The following TOX variants were observed in gnomAD, a reference collection of about 807,000 sequenced individuals.
TOX encodes the protein thymocyte selection-associated high mobility group box protein TOX.
A neutral mutation model predicts 53.7 loss-of-function variants in TOX; 11 were observed. The observed-to-expected ratio is 0.20, with a 90% CI of 0.13 to 0.34. The LOEUF (loss-of-function observed/expected upper bound fraction) is 0.34. TOX is among the 10% of genes least tolerant of loss of function. The pLI is 1.00. For synonymous variants in TOX, 225 were observed against 245.3 expected, an observed-to-expected ratio of 0.92 and a Z score of 0.77; for missense variants, 570 against 664.6, an observed-to-expected ratio of 0.86 and a Z score of 1.56.
At chr8:58,868,221 C>T (rs1385873718) in intron 3 of TOX, among the ~76,000 whole-genome samples, 5 of 152,126 alleles carry the variant, frequency 3.3e-5, no homozygotes, top group Admixed American at 1.3e-4. Context: ...ATTGTGAGGC[C>T]TCCCCTCCCA....
intron 5 of TOX, among the ~76,000 whole-genome samples, chr8:58,836,201 G>A (rs576977080): frequency 1.3e-5 from 2 of 152,262 alleles, no homozygotes; most frequent in East Asian, 3.9e-4. Flanking sequence ...GAACAGGGAG[G>A]GGGTTGGGAT....
chr8:59,074,040 G>A (rs764889063), intron 1 of TOX, among the ~76,000 whole-genome samples: 2 of 152,104 alleles, frequency 1.3e-5, no homozygotes, highest in African/African-American at 2.4e-5. Flanking sequence ...TTCAAACCAT[G>A]GCAATAAGTA....
At chr8:58,848,310 T>C (rs944671511) in intron 4 of TOX, among the ~76,000 whole-genome samples, 6 of 151,232 alleles carry the variant, frequency 4.0e-5, no homozygotes, top group African/African-American at 1.2e-4. Context: ...TTAAAGAAGA[T>C]GAGGAAAAAA....
chr8:58,907,471 T>G (rs778710018), intron 3 of TOX, among the ~76,000 whole-genome samples: 1 of 152,118 alleles, frequency 6.6e-6, no homozygotes, highest in Non-Finnish European at 1.5e-5. Context: ...GGCGTGCACG[T>G]GTAATCTCAG....
At chr8:58,978,188 AGGG>A (rs1280741251) in intron 1 of TOX, among the ~76,000 whole-genome samples, 1 of 152,004 alleles carries the variant, frequency 6.6e-6, no homozygotes, top group Non-Finnish European at 1.5e-5. Flanking sequence ...GGAAAGCCCA[AGGG>A]GATCTGCCTG....
chr8:59,055,292 G>A (rs1366842521), intron 1 of TOX, among the ~76,000 whole-genome samples: 2 of 152,144 alleles, frequency 1.3e-5, no homozygotes, highest in East Asian at 3.9e-4. Context: ...AGCACACAGG[G>A]ACTCAATGAA....
At chr8:59,044,701 G>A (rs888905850) in intron 1 of TOX, among the ~76,000 whole-genome samples, 1 of 151,976 alleles carries the variant, frequency 6.6e-6, no homozygotes, top group African/African-American at 2.4e-5. Flanking sequence ...TCTCCACCAA[G>A]GCTCTTTCAA....
At chr8:58,951,734 C>T (rs995780898) in intron 2 of TOX, among the ~76,000 whole-genome samples, 4 of 152,170 alleles carry the variant, frequency 2.6e-5, no homozygotes, top group African/African-American at 7.2e-5. Flanking sequence ...TCATGACCAT[C>T]GGAACCCTTG....
intron 3 of TOX, among the ~76,000 whole-genome samples, chr8:58,868,982 T>C (rs1811150463): frequency 6.6e-6 from 1 of 150,984 alleles, no homozygotes; most frequent in Non-Finnish European, 1.5e-5. Flanking sequence ...ATATCAGAAA[T>C]GAAAGAGGAG....
intron 3 of TOX, among the ~76,000 whole-genome samples, chr8:58,927,529 C>T (rs780693584): frequency 1.3e-5 from 2 of 152,180 alleles, no homozygotes; most frequent in Non-Finnish European, 2.9e-5. Flanking sequence ...AGAATCGCAC[C>T]TCCCACCTCC....
intron 1 of TOX, among the ~76,000 whole-genome samples, chr8:59,115,503 T>C (rs572300567): frequency 6.6e-6 from 1 of 152,342 alleles, no homozygotes; most frequent in African/African-American, 2.4e-5. Context: ...ACTCCAATTG[T>C]AAGCTCATTT....
chr8:58,928,057 C>T (rs1283769249), intron 3 of TOX, among the ~76,000 whole-genome samples: 1 of 152,194 alleles, frequency 6.6e-6, no homozygotes. Context: ...TTGATCTTTC[C>T]TGGTCTCATA....
At chr8:59,113,892 T>C (rs888420951) in intron 1 of TOX, among the ~76,000 whole-genome samples, 2 of 152,084 alleles carry the variant, frequency 1.3e-5, no homozygotes, top group Admixed American at 6.5e-5. Context: ...CTAGCAAAAG[T>C]TTAGAAAGCA....
intron 1 of TOX, among the ~76,000 whole-genome samples, chr8:59,101,156 T>C (rs1804801490): frequency 6.6e-6 from 1 of 152,208 alleles, no homozygotes; most frequent in Non-Finnish European, 1.5e-5. Context: ...TCAATAGTAA[T>C]AGTATTTAGG....
intron 3 of TOX, among the ~76,000 whole-genome samples, chr8:58,895,901 G>A (rs139060073): frequency 2.5e-3 from 378 of 152,262 alleles, no homozygotes; most frequent in Middle Eastern, 0.01. Context: ...ATTAAATACT[G>A]TACTGCATCT....
chr8:59,116,300 G>A (rs1441144184), intron 1 of TOX, among the ~76,000 whole-genome samples: 2 of 152,176 alleles, frequency 1.3e-5, no homozygotes, highest in South Asian at 2.1e-4. Context: ...TTACGCCTCC[G>A]AAGGAAGCAA....
At chr8:58,881,774 T>C (rs929416304) in intron 3 of TOX, among the ~76,000 whole-genome samples, 1 of 150,160 alleles carries the variant, frequency 6.7e-6, no homozygotes, top group Non-Finnish European at 1.5e-5. Flanking sequence ...TAAAGTCTAG[T>C]TTAGGAAAGG....
Position 59,098,059 on chromosome 8 carries a change from T to C in TOX, c.102+20827A>G, listed in dbSNP as rs529151874. On this transcript the variant is annotated intron_variant, in intron 1 of 8. Coordinates refer to ENST00000361421, the MANE Select transcript of TOX (RefSeq NM_014729.3). ...ACAAATATGATCTTGTTGCAACTCA[T>C]GTTAAAAAAAAAAATCCAAGAGTGA... Among the ~76,000 whole-genome samples, 16 of 150,560 alleles carry C rather than the reference T, an allele frequency of 1.1e-4. No individual in the cohort carries two copies. In the South Asian group the frequency reaches 3.3e-3, roughly 31 times the overall value.
At chr8:59,003,159 C>T (rs1027418510) in intron 1 of TOX, among the ~76,000 whole-genome samples, 1 of 152,126 alleles carries the variant, frequency 6.6e-6, no homozygotes, top group Non-Finnish European at 1.5e-5. Flanking sequence ...TACACATTGA[C>T]CCTTTTTCAT....
Sources: gnomAD v4.1 joint callset for allele counts (sites outside exome capture counted in the v4.1 genomes callset) on GRCh38, gnomAD v4.1.1 for gene constraint, MANE v1.5 for transcripts, NCBI Gene and HGNC (gene_info 2026-07-23, HGNC 2026-07-21) for gene names.